The following SVIL variants were observed in gnomAD, a reference collection of about 807,000 sequenced individuals.
The protein encoded by SVIL is archvillin.
SVIL carries 101 observed loss-of-function variants against 240.4 expected under a neutral mutation model. The observed-to-expected ratio is 0.42, with a 90% confidence interval of 0.36 to 0.50. The LOEUF is 0.50. Among genes scored for constraint, SVIL ranks in the 20% least tolerant of loss-of-function variants. SVIL has a pLI of 0.01. For missense variants in SVIL, 2,512 were observed against 2,818.7 expected (o/e 0.89, Z 2.46); for synonymous variants, 999 against 1,100.0 (o/e 0.91, Z 1.82).
chr10:29,495,018 G>A lies in SVIL; in HGVS notation c.3755-18C>T, dbSNP rs748039604. 3.1e-5 allele frequency: 50 copies of A among 1,608,952 alleles called. No individual in the cohort carries two copies. The highest frequency in any genetic ancestry group is 1.6e-4 in the Middle Eastern group (1 of 6,076). On this transcript the variant is annotated intron_variant, in intron 19 of 37. Transcript: ENST00000355867. ...TTCGATATCTAGGCAAGCAGAAACCGTCAGTGAGACAGCATCACTAAGGCC... is the reference window on the plus strand; with the variant it reads ...TTCGATATCTAGGCAAGCAGAAACCATCAGTGAGACAGCATCACTAAGGCC...
intron 1 of SVIL, among the ~76,000 whole-genome samples, chr10:29,598,468 G>C (rs1376661052): frequency 6.6e-6 from 1 of 152,238 alleles, no homozygotes; most frequent in Non-Finnish European, 1.5e-5. Flanking sequence ...GGTGGGTTCT[G>C]AACCTGTGGG....
intron 32 of SVIL, 86 bp downstream of exon 32, chr10:29,470,190 G>T (rs1211686425): frequency 1.3e-5 from 19 of 1,482,712 alleles, no homozygotes; most frequent in Non-Finnish European, 1.8e-5. Flanking sequence ...CCTGGGATCT[G>T]CTGGGAGTCT....
chr10:29,656,733 CAG>C (rs1218553697), intron 3 of SVIL, among the ~76,000 whole-genome samples: 1 of 152,160 alleles, frequency 6.6e-6, no homozygotes, highest in East Asian at 1.9e-4. Flanking sequence ...TTTGGTCAGT[CAG>C]AGAGATGGAT....
intron 18 of SVIL, among the ~76,000 whole-genome samples, chr10:29,497,375 G>T (rs1168345745): frequency 6.6e-6 from 1 of 152,192 alleles, no homozygotes; most frequent in Non-Finnish European, 1.5e-5. Flanking sequence ...AGCTTAGAAA[G>T]TGATGGTATG....
At chr10:29,536,465 G>T (rs1362266506) in intron 6 of SVIL, among the ~76,000 whole-genome samples, 2 of 152,170 alleles carry the variant, frequency 1.3e-5, no homozygotes, top group African/African-American at 4.8e-5. Flanking sequence ...TCTGTCTTTT[G>T]AAAATGTATA....
At chr10:29,554,662 T>C in intron 5 of SVIL, 121 bp downstream of exon 5, 1 of 1,277,538 alleles carries the variant, frequency 7.8e-7, no homozygotes, top group Non-Finnish European at 1.0e-6. Flanking sequence ...GCTAAAAAAA[T>C]TATATCCACA....
intron 23 of SVIL, chr10:29,487,613 C>T (rs1252030190): frequency 4.2e-6 from 1 of 240,470 alleles, no homozygotes; most frequent in Non-Finnish European, 8.1e-6. Context: ...CCCTCCTTCA[C>T]TCTTCTCCCG....
chr10:29,465,199 C>A (rs910995006), intron 34 of SVIL, among the ~76,000 whole-genome samples: 4 of 152,122 alleles, frequency 2.6e-5, no homozygotes, highest in African/African-American at 9.7e-5. Context: ...TTTTTTCCTT[C>A]CCCTTTCTTT....
At chr10:29,659,838 C>T (rs922927256) in intron 2 of SVIL, among the ~76,000 whole-genome samples, 7 of 152,152 alleles carry the variant, frequency 4.6e-5, no homozygotes, top group Non-Finnish European at 4.4e-5. Flanking sequence ...CTTTCCTCCA[C>T]AAATCTCTTT....
chr10:29,485,736 A>G (rs1947330434), intron 26 of SVIL, among the ~76,000 whole-genome samples: 1 of 152,260 alleles, frequency 6.6e-6, no homozygotes, highest in Non-Finnish European at 1.5e-5. Context: ...TAAATTATAT[A>G]TGCATGCATC....
At chr10:29,582,115 A>G (rs1955969302) in intron 1 of SVIL, among the ~76,000 whole-genome samples, 2 of 152,202 alleles carry the variant, frequency 1.3e-5, no homozygotes, top group South Asian at 4.1e-4. Flanking sequence ...GAATGATGAA[A>G]AAGTTCTGGA....
At chr10:29,477,854 G>A (rs573382173) in intron 29 of SVIL, among the ~76,000 whole-genome samples, 90 of 152,300 alleles carry the variant, frequency 5.9e-4, no homozygotes, top group Admixed American at 1.8e-3. Flanking sequence ...GGAATCACCC[G>A]GCTCAAATCA....
rs117507859 is a variant in SVIL, at chr10:29,619,735, T to A, written c.-201+14685A>T. 8.5e-4 allele frequency among the ~76,000 whole-genome samples: 129 copies of A among 152,354 alleles called. 2 individuals carry two copies. In the East Asian group the frequency reaches 0.022, roughly 26 times the overall value. On this transcript the variant is annotated intron_variant, in intron 1 of 37. Transcript: ENST00000355867. ...ATTTGAGTTAACAAACACCAAAGCA[T>A]AAGCTGAGGGTTGATTTTAATTTTT...
chr10:29,732,575 A>G (rs1012253674), intron 1 of SVIL, among the ~76,000 whole-genome samples: 1 of 152,232 alleles, frequency 6.6e-6, no homozygotes, highest in Non-Finnish European at 1.5e-5. Flanking sequence ...TCTAAAAGTT[A>G]GTTTAGCAAT....
At chr10:29,602,306 G>T (rs558355917) in intron 1 of SVIL, 1 of 533,808 alleles carries the variant, frequency 1.9e-6, no homozygotes, top group Non-Finnish European at 3.9e-6. Context: ...GGTTCATGAA[G>T]GTGCACTGGG....
Position 29,729,849 on chromosome 10 carries a change from A to G in SVIL, c.-400+5902T>C, listed in dbSNP as rs985041192. ...ACTCCATCTCAAAAAAAAAAAAAAAAAAAAAAAAAAAGGTGGCAATTGCTC... is the reference window on the plus strand; with the variant it reads ...ACTCCATCTCAAAAAAAAAAAAAAAGAAAAAAAAAAAGGTGGCAATTGCTC... On this transcript the variant is annotated intron_variant, in intron 1 of 35. Coordinates refer to the SVIL transcript ENST00000375400. Among the ~76,000 whole-genome samples the G allele has an allele frequency of 4.0e-5, 6 of 148,384 alleles. No homozygotes were observed. In the Admixed American group the frequency reaches 4.1e-4, roughly 10 times the overall value.
intron 1 of SVIL, among the ~76,000 whole-genome samples, chr10:29,594,043 T>G (rs1345935072): frequency 6.6e-6 from 1 of 152,196 alleles, no homozygotes; most frequent in Non-Finnish European, 1.5e-5. Context: ...AGCTCCAAAA[T>G]CACAAGGTTT....
At chr10:29,594,177 G>A in intron 1 of SVIL, among the ~76,000 whole-genome samples, 1 of 151,976 alleles carries the variant, frequency 6.6e-6, no homozygotes, top group East Asian at 1.9e-4. Context: ...TGTATATAAG[G>A]TATACATGAA....
At chr10:29,507,652 A>C in intron 17 of SVIL, 5 of 613,214 alleles carry the variant, frequency 8.2e-6, no homozygotes, top group Non-Finnish European at 1.0e-5. Flanking sequence ...GCACCAAATA[A>C]GTTATTTCCC....
Sources: allele counts gnomAD v4.1 joint callset (sites outside exome capture counted in the v4.1 genomes callset), GRCh38; gene constraint gnomAD v4.1.1; transcripts MANE v1.5; gene names NCBI Gene and HGNC (gene_info 2026-07-23, HGNC 2026-07-21).